ANK3: variants seen among roughly 807,000 people sequenced by gnomAD.
The protein encoded by ANK3 is ankyrin 3.
Under a neutral mutation model 370.9 loss-of-function variants are expected in ANK3, and 57 were observed. That is an observed-to-expected ratio of 0.15 (90% CI 0.12 to 0.19). The LOEUF is 0.19. Ranked by LOEUF, ANK3 falls within the 10% of genes least tolerant of loss-of-function variation. The pLI, the probability that ANK3 is intolerant of heterozygous loss-of-function variation, is 1.00. For missense variants in ANK3, 4,439 were observed against 5,302.1 expected (o/e 0.84, Z 5.06); for synonymous variants, 1,929 against 1,946.3 (o/e 0.99, Z 0.23).
intron 1 of ANK3, among the ~76,000 whole-genome samples, chr10:60,386,852 T>C (rs2062416833): frequency 6.6e-6 from 1 of 152,180 alleles, no homozygotes; most frequent in Non-Finnish European, 1.5e-5. Flanking sequence ...GTATCCACTA[T>C]TACTTTTATG....
At chr10:60,489,396 T>C (rs988374011) in intron 2 of ANK3, among the ~76,000 whole-genome samples, 6 of 152,048 alleles carry the variant, frequency 3.9e-5, no homozygotes, top group Admixed American at 6.6e-5. Flanking sequence ...ATATTTTATT[T>C]ATTATGAGTA....
intron 1 of ANK3, among the ~76,000 whole-genome samples, chr10:60,618,842 G>A (rs1049418212): frequency 2.6e-5 from 4 of 152,002 alleles, no homozygotes; most frequent in African/African-American, 4.8e-5. Context: ...GGGCAAGTTT[G>A]GCTCCTATTC....
chr10:60,525,509 A>G (rs2076447744), intron 2 of ANK3, among the ~76,000 whole-genome samples: 1 of 152,124 alleles, frequency 6.6e-6, no homozygotes, highest in Admixed American at 6.6e-5. Context: ...GTGTCTTAGA[A>G]AGATATTAAG....
intron 2 of ANK3, among the ~76,000 whole-genome samples, chr10:60,462,322 G>A (rs2064905767): frequency 6.6e-6 from 1 of 152,120 alleles, no homozygotes; most frequent in African/African-American, 2.4e-5. Context: ...AGACAATCTA[G>A]TCTATATTTT....
intron 23 of ANK3, among the ~76,000 whole-genome samples, chr10:60,163,684 A>G (rs1015591242): frequency 7.2e-5 from 11 of 152,170 alleles, no homozygotes; most frequent in African/African-American, 2.4e-4. Flanking sequence ...TATTTATTTT[A>G]CTTTTGCTTT....
chr10:60,477,529 AC>A (rs1273211188), intron 2 of ANK3, among the ~76,000 whole-genome samples: 21 of 146,828 alleles, frequency 1.4e-4, no homozygotes, highest in Non-Finnish European at 2.7e-4. Flanking sequence ...ACACACACAC[AC>A]ACACACACAC....
chr10:60,098,833 G>A (rs1350487217), intron 28 of ANK3, among the ~76,000 whole-genome samples: 1 of 151,974 alleles, frequency 6.6e-6, no homozygotes, highest in Non-Finnish European at 1.5e-5. Flanking sequence ...CTTTATTCAG[G>A]GTAGAGATCC....
At chr10:60,586,422 C>T (rs150570328) in intron 2 of ANK3, among the ~76,000 whole-genome samples, 229 of 152,158 alleles carry the variant, frequency 1.5e-3, no homozygotes, top group East Asian at 5.2e-3. Context: ...TTTTTCCAAA[C>T]GGGAGTTTTT....
At position 60,059,677 on chromosome 10, in the gene ANK3, C is replaced by T. The variant is rs755411580; in HGVS notation, c.12596-247G>A. 9.5e-6 allele frequency: 15 copies of T among 1,586,218 alleles called. No homozygotes were observed. The East Asian group carries it at 3.4e-4, about 36-fold the overall frequency. ...TCTTTTGGGGACCCAGCCAAATTTC[C>T]AAGGTATTGAGGATACTCACTCAGA... On this transcript the variant is annotated intron_variant, in intron 40 of 43. Transcript: ENST00000280772.
intron 36 of ANK3, among the ~76,000 whole-genome samples, chr10:60,080,265 A>AAAATCAAG (rs1589694234): frequency 6.6e-6 from 1 of 152,360 alleles, no homozygotes; most frequent in East Asian, 1.9e-4. Flanking sequence ...AATCAAAGTA[A>AAAATCAAG]AAATCAAGGT....
chr10:60,172,423 A>G lies in ANK3; in HGVS notation c.2383-20T>C. 6.2e-7 allele frequency: 1 copy of G among 1,605,688 alleles called. No homozygotes were observed. Among genetic ancestry groups the G allele is most frequent in the Non-Finnish European group, 8.5e-7 (1 of 1,172,514 alleles). The stretch of plus-strand genomic sequence containing the variant: ...CCCATTCTGGCAAAAGGAAAATGTG[A>G]GTGAGGAATTAGCAAGCCTTATTCC... On this transcript the variant is annotated intron_variant, in intron 20 of 43. Coordinates refer to ENST00000280772, the MANE Select transcript of ANK3 (RefSeq NM_020987.5).
chr10:60,055,930 A>C lies in ANK3; in HGVS notation c.12793T>G (p.Ser4265Ala). The C allele has an allele frequency of 1.2e-6, 2 of 1,614,060 alleles. No homozygotes were observed. Among genetic ancestry groups the C allele is most frequent in the Non-Finnish European group, 1.7e-6 (2 of 1,180,016 alleles). Reference sequence around the variant, plus strand: ...TCATTTTGGGATTCTGGAAAGTAAGATTTTGTCTTTGCTTCTGGAGTGATT... The same window carrying C: ...TCATTTTGGGATTCTGGAAAGTAAGCTTTTGTCTTTGCTTCTGGAGTGATT... ...TEITPEAKTK[S>A]YFPESQNDVG... The change falls in exon 42 of 44, where the codon TCT becomes GCT. Residue 4265 changes from serine (S) to alanine (A), a missense_variant. Ser to Ala is a moderately conservative substitution (Grantham distance 99). Around this residue, in one of 13 missense-constraint regions of ANK3, gnomAD observed 242 missense variants for 228.0 expected, o/e 1.06. Transcript: ENST00000280772.
chr10:60,343,245 A>G (rs763002312), intron 1 of ANK3, among the ~76,000 whole-genome samples: 2 of 152,226 alleles, frequency 1.3e-5, no homozygotes, highest in Admixed American at 6.5e-5. Context: ...AAAAATGTCA[A>G]TAATCTAAAG....
In ANK3 at chr10:60,084,667, T is replaced by G; in HGVS notation, c.4009A>C (p.Lys1337Gln). 2 of 1,613,706 alleles carry G rather than the reference T, an allele frequency of 1.2e-6. No individual in the cohort carries two copies. The highest frequency in any genetic ancestry group is 1.7e-6 in the Non-Finnish European group (2 of 1,179,922). ...SLRCFCMTDD[K>Q]VDKTLEQQEN... ...TGTTGCTCTAAAGTTTTGTCCACTT[T>G]GTCATCTGTCATGCAGAAACATCGC... The change falls in exon 32 of 44, where the codon AAA (lysine) becomes CAA (glutamine). Residue 1337 changes from lysine (K) to glutamine (Q), a missense_variant. Physicochemically the swap from Lys to Gln is moderately conservative, Grantham distance 53. This residue lies in a region of ANK3 where 702 missense variants were observed against 941.5 expected (regional missense o/e 0.75). Coordinates refer to ENST00000280772, the MANE Select transcript of ANK3 (RefSeq NM_020987.5).
chr10:60,574,720 T>C (rs933986599), intron 2 of ANK3, among the ~76,000 whole-genome samples: 1 of 152,144 alleles, frequency 6.6e-6, no homozygotes, highest in African/African-American at 2.4e-5. Context: ...GGGATGAGGA[T>C]GAGGTAGGTG....
intron 42 of ANK3, chr10:60,051,664 CTTTTTTTTT>C (rs35764181): frequency 7.2e-5 from 11 of 151,752 alleles, no homozygotes; most frequent in Non-Finnish European, 1.1e-4. Context: ...ATGTTTTCTT[CTTTTTTTTT>C]TTTTTTTTTT....
At chr10:60,383,960 A>G (rs2061900881) in intron 1 of ANK3, among the ~76,000 whole-genome samples, 1 of 152,214 alleles carries the variant, frequency 6.6e-6, no homozygotes, top group South Asian at 2.1e-4. Flanking sequence ...TGACCTTAAA[A>G]GAGACTGCTA....
chr10:60,579,074 C>T (rs919219952), intron 2 of ANK3, among the ~76,000 whole-genome samples: 2 of 151,914 alleles, frequency 1.3e-5, no homozygotes, highest in Non-Finnish European at 2.9e-5. Context: ...CGCCTGTAAT[C>T]CCAGCACTTT....
At chr10:60,192,869 C>T (rs2096516076) in intron 16 of ANK3, among the ~76,000 whole-genome samples, 1 of 152,108 alleles carries the variant, frequency 6.6e-6, no homozygotes, top group Admixed American at 6.5e-5. Context: ...GAACTTGCCT[C>T]AACACCCTAT....
Sources: allele counts gnomAD v4.1 joint callset (sites outside exome capture counted in the v4.1 genomes callset), GRCh38; gene constraint gnomAD v4.1.1; regional missense constraint gnomAD v4.1.1; transcripts MANE v1.5; gene names NCBI Gene and HGNC (gene_info 2026-07-23, HGNC 2026-07-21).